FBXL2: variants seen among roughly 807,000 people sequenced by gnomAD.
FBXL2 encodes F-box and leucine rich repeat protein 2.
Under a neutral mutation model 69.2 loss-of-function variants are expected in FBXL2, and 38 were observed. The observed-to-expected ratio is 0.55, with a 90% CI of 0.42 to 0.72. FBXL2 has a LOEUF of 0.72. Among genes scored for constraint, FBXL2 ranks in the 30% least tolerant of loss-of-function variants. FBXL2 has a pLI of 0.00. For missense variants in FBXL2, 354 were observed against 520.3 expected (o/e 0.68, Z 3.11); for synonymous variants, 192 against 201.3 (o/e 0.95, Z 0.39).
downstream of FBXL2, chr3:33,390,018 G>C (rs2043694699): frequency 3.0e-6 from 1 of 331,032 alleles, no homozygotes; most frequent in Non-Finnish European, 5.5e-6. Context: ...AGTGTAAAAA[G>C]ACAGCAAAGG....
chr3:33,409,631 C>T, the FBXL2 span: 2 of 1,613,734 alleles, frequency 1.2e-6, no homozygotes, highest in Non-Finnish European at 1.7e-6. Context: ...GAAATGGATT[C>T]AAAGAACTTC....
At chr3:33,395,983 C>T (rs1285233293) in intron 12 of FBXL2, among the ~76,000 whole-genome samples, 4 of 152,298 alleles carry the variant, frequency 2.6e-5, no homozygotes, top group South Asian at 2.1e-4. Context: ...TGCCAGTTTC[C>T]TCTTCTCCCA....
At chr3:33,412,344 TAAAAAG>T in the FBXL2 span, among the ~76,000 whole-genome samples, 1 of 150,322 alleles carries the variant, frequency 6.7e-6, no homozygotes, top group African/African-American at 2.5e-5. Context: ...GGGAAAAAAA[TAAAAAG>T]AAAATAATGT....
At chr3:33,420,028 T>A in the FBXL2 span, among the ~76,000 whole-genome samples, 1 of 152,168 alleles carries the variant, frequency 6.6e-6, no homozygotes, top group African/African-American at 2.4e-5. Context: ...GTGATTCATG[T>A]CCCCACCCAC....
the FBXL2 span, among the ~76,000 whole-genome samples, chr3:33,418,795 GTTGCAGTAAGCTGAGA>G: frequency 3.4e-5 from 5 of 148,844 alleles, no homozygotes; most frequent in Admixed American, 3.4e-4. Flanking sequence ...GGAGGCGGAG[GTTGCAGTAAGCTGAGA>G]TTGCACCGCT....
chr3:33,349,777 T>G (rs2040702896), intron 2 of FBXL2, among the ~76,000 whole-genome samples: 1 of 152,174 alleles, frequency 6.6e-6, no homozygotes, highest in Non-Finnish European at 1.5e-5. Context: ...TGATCTCATG[T>G]TCACAAATTT....
At chr3:33,405,118 T>A (rs1049321418), downstream of FBXL2, among the ~76,000 whole-genome samples, 2 of 152,150 alleles carry the variant, frequency 1.3e-5, no homozygotes, top group Non-Finnish European at 2.9e-5. Flanking sequence ...GCAATTTTTT[T>A]AGGGTGATCA....
downstream of FBXL2, among the ~76,000 whole-genome samples, chr3:33,405,453 T>C (rs1286560394): frequency 6.6e-6 from 1 of 152,232 alleles, no homozygotes; most frequent in Non-Finnish European, 1.5e-5. Flanking sequence ...TTTGCAGCTA[T>C]TTAAATTTAT....
intron 12 of FBXL2, chr3:33,396,708 T>C: frequency 1.9e-6 from 1 of 515,336 alleles, no homozygotes. Flanking sequence ...TTAGTAATAG[T>C]CATGACCTTG....
intron 2 of FBXL2, among the ~76,000 whole-genome samples, chr3:33,328,840 C>T (rs2038930363): frequency 6.7e-6 from 1 of 149,732 alleles, no homozygotes; most frequent in Non-Finnish European, 1.5e-5. Flanking sequence ...TGTGTAAGAC[C>T]TCAAAAATCA....
chr3:33,409,153 C>CT, the FBXL2 span: 1 of 1,348,120 alleles, frequency 7.4e-7, no homozygotes, highest in East Asian at 2.3e-5. Context: ...TTCCCCAACC[C>CT]TTTTGTAGCA....
chr3:33,343,746 G>A (rs1228550675), intron 2 of FBXL2, among the ~76,000 whole-genome samples: 3 of 152,004 alleles, frequency 2.0e-5, no homozygotes, highest in African/African-American at 2.4e-5. Context: ...GTCAAGGAGG[G>A]AAGAAAGAGC....
intron 2 of FBXL2, among the ~76,000 whole-genome samples, chr3:33,312,778 GACA>G (rs1326996855): frequency 1.4e-4 from 22 of 151,954 alleles, no homozygotes; most frequent in African/African-American, 5.1e-4. Flanking sequence ...AGGAAAAAGA[GACA>G]ACATTTACCA....
In FBXL2 at chr3:33,385,678, A is replaced by T; in HGVS notation, c.*70A>T. On this transcript the variant is annotated 3_prime_UTR_variant, in exon 15 of 15. Coordinates refer to ENST00000484457, the MANE Select transcript of FBXL2 (RefSeq NM_012157.5). Reference sequence around the variant, plus strand: ...TAGAAGACCTGAGTCTTCCTGACCGACTCCACCATCACCCAATCTGTTGAT... The same window carrying T: ...TAGAAGACCTGAGTCTTCCTGACCGTCTCCACCATCACCCAATCTGTTGAT... The T allele has an allele frequency of 2.5e-6, 3 of 1,206,768 alleles. No individual in the cohort carries two copies. The South Asian group carries it at 3.7e-5, about 15-fold the overall frequency. 74.8% of individuals were successfully genotyped at this position (1,206,768 alleles called of 1,614,324 possible).
chr3:33,294,147 A>G (rs1221425153), intron 1 of FBXL2, among the ~76,000 whole-genome samples: 1 of 152,196 alleles, frequency 6.6e-6, no homozygotes, highest in Non-Finnish European at 1.5e-5. Flanking sequence ...CCTAGGCTGG[A>G]GTGCAGTAGC....
intron 5 of FBXL2, among the ~76,000 whole-genome samples, chr3:33,369,617 A>T (rs2042164576): frequency 6.6e-6 from 1 of 151,690 alleles, no homozygotes; most frequent in African/African-American, 2.4e-5. Flanking sequence ...CATTATTATC[A>T]TTATTATTAT....
intron 2 of FBXL2, among the ~76,000 whole-genome samples, chr3:33,312,737 A>G (rs1349825093): frequency 6.6e-6 from 1 of 152,138 alleles, no homozygotes; most frequent in Admixed American, 6.6e-5. Flanking sequence ...AACATAAATT[A>G]TTTATTATCC....
downstream of FBXL2, chr3:33,391,498 A>C: frequency 6.6e-6 from 1 of 152,184 alleles, no homozygotes. Flanking sequence ...TCTCAAGCCC[A>C]GGCCTCTTCT....
intron 1 of FBXL2, chr3:33,278,118 T>G (rs1261509242): frequency 6.6e-6 from 1 of 152,152 alleles, no homozygotes; most frequent in East Asian, 1.9e-4. Context: ...CACTAAGGGA[T>G]TTAATTAATT....
Sources: gnomAD v4.1 joint callset for allele counts (sites outside exome capture counted in the v4.1 genomes callset) on GRCh38, gnomAD v4.1.1 for gene constraint, MANE v1.5 for transcripts, NCBI Gene and HGNC (gene_info 2026-07-23, HGNC 2026-07-21) for gene names.